CARHSP1: variants seen among roughly 807,000 people sequenced by gnomAD.
CARHSP1 encodes the protein calcium-regulated heat-stable protein 1.
CARHSP1 carries 14 observed loss-of-function variants against 12.5 expected under a neutral mutation model. The ratio of observed to expected loss-of-function variants is 1.12; its 90% confidence interval spans 0.74 to 1.75. The LOEUF is 1.75. Among genes scored for constraint, CARHSP1 ranks in the 40% most tolerant of loss-of-function variants. The probability of loss-of-function intolerance (pLI) is 0.00; values close to 1 mark genes in which losing one functional copy is unlikely to be tolerated. For missense variants in CARHSP1, 343 were observed against 201.6 expected, an observed-to-expected ratio of 1.70 and a Z score of -4.25; for synonymous variants, 161 against 82.0, an observed-to-expected ratio of 1.96 and a Z score of -5.20.
intron 2 of CARHSP1, chr16:8,858,916 G>T: frequency 2.2e-6 from 1 of 451,786 alleles, no homozygotes; most frequent in Non-Finnish European, 3.9e-6. Context: ...TGTGGTTAAA[G>T]CCCAGCGATT....
intron 1 of CARHSP1, among the ~76,000 whole-genome samples, chr16:8,862,267 T>C (rs1384785980): frequency 6.6e-6 from 1 of 151,970 alleles, no homozygotes; most frequent in African/African-American, 2.4e-5. Context: ...ATCTGGAAAA[T>C]GGGAATTATA....
At position 8,855,022 on chromosome 16, in the gene CARHSP1, C is replaced by G. The variant is rs540867865; in HGVS notation, c.*142G>C. On this transcript the variant is annotated 3_prime_UTR_variant, in exon 4 of 4. Coordinates refer to ENST00000311052, the MANE Select transcript of CARHSP1 (RefSeq NM_014316.4). ...CACACCCCACACCTGCCCCCCATAC[C>G]CCTTCCTCCAGGAGATACTTGAGAG... is the stretch of plus-strand genomic sequence containing the variant. 6.4e-6 allele frequency: 4 copies of G among 624,520 alleles called. No homozygotes were observed. The East Asian group carries it at 1.1e-4, about 17-fold the overall frequency. The allele number at this position is 624,520 out of a possible 1,614,324, so 38.7% of individuals were successfully genotyped here. A position where few individuals can be genotyped will look rare whatever the true frequency, so the allele number is the denominator to read the frequency against.
At chr16:8,858,637 A>G (rs1471742735) in intron 2 of CARHSP1, 165 bp from the exon 3 acceptor site, 4 of 807,928 alleles carry the variant, frequency 5.0e-6, no homozygotes, top group Non-Finnish European at 7.4e-6. Context: ...GGAGCCGCTC[A>G]CAAAGACGCT....
At chr16:8,859,367 G>A (rs568755142) in intron 1 of CARHSP1, 32 bp from the exon 2 acceptor site, 3 of 1,578,866 alleles carry the variant, frequency 1.9e-6, no homozygotes, top group Non-Finnish European at 2.6e-6. Flanking sequence ...AGGGGCTCGT[G>A]CCTTGCAAGG....
Position 8,854,528 on chromosome 16 carries a change from C to G in CARHSP1, c.*636G>C, listed in dbSNP as rs1193095598. ...GGAGTGCTGGGAGAACTGTCTTCCC[C>G]AGACAGGCAGCTATGCCGCCTCCCA... On this transcript the variant is annotated 3_prime_UTR_variant, in exon 4 of 4. Transcript: ENST00000311052. The G allele has an allele frequency of 6.5e-6, 1 of 152,728 alleles. No homozygotes were observed. The highest frequency in any genetic ancestry group is 6.5e-5 in the Admixed American group (1 of 15,282). 9.5% of individuals were successfully genotyped at this position (152,728 alleles called of 1,614,324 possible). A position where few individuals can be genotyped will look rare whatever the true frequency, so the allele number is the denominator to read the frequency against.
intron 1 of CARHSP1, among the ~76,000 whole-genome samples, chr16:8,864,036 G>A (rs868046916): frequency 5.3e-5 from 8 of 152,288 alleles, no homozygotes; most frequent in Admixed American, 3.3e-4. Context: ...AAACAGATCC[G>A]CCACTCAGAT....
intron 1 of CARHSP1, among the ~76,000 whole-genome samples, chr16:8,862,594 A>G (rs987357658): frequency 6.6e-6 from 1 of 152,178 alleles, no homozygotes; most frequent in African/African-American, 2.4e-5. Context: ...ACACACGCTA[A>G]TCAGGGTGCC....
chr16:8,863,574 C>T (rs377292625), intron 1 of CARHSP1, among the ~76,000 whole-genome samples: 6 of 152,150 alleles, frequency 3.9e-5, no homozygotes, highest in Non-Finnish European at 8.8e-5. Flanking sequence ...TGACTAGGGG[C>T]GGGGGCAGTG....
chr16:8,857,268 T>TGTTTTTTGTTTTTTG (rs1567181119), intron 3 of CARHSP1, among the ~76,000 whole-genome samples: 2 of 20,294 alleles, frequency 9.9e-5, no homozygotes, highest in East Asian at 2.9e-3. Context: ...GATCTGTTTT[T>TGTTTTTTGTTTTTTG]TTTTTTTTTT....
At chr16:8,863,623 G>A (rs914623212) in intron 1 of CARHSP1, among the ~76,000 whole-genome samples, 1 of 152,166 alleles carries the variant, frequency 6.6e-6, no homozygotes, top group Non-Finnish European at 1.5e-5. Context: ...AGCCTCTCAT[G>A]GCCCATCTGG....
At chr16:8,861,184 TTTTTTTTTTTTTTTTA>T (rs1486705064) in intron 1 of CARHSP1, among the ~76,000 whole-genome samples, 5 of 100,024 alleles carry the variant, frequency 5.0e-5, no homozygotes, top group African/African-American at 1.1e-4. Context: ...TTTTTTTTTT[TTTTTTTTTTTTTTTTA>T]TAGAGACAGG....
intron 1 of CARHSP1, among the ~76,000 whole-genome samples, chr16:8,861,158 ATTTTTTTTTTTTTTTTTTTTTTTTTTTT>A (rs765114977): frequency 3.9e-5 from 2 of 51,210 alleles, no homozygotes; most frequent in Non-Finnish European, 6.7e-5. Flanking sequence ...TCCATGCCTA[ATTTTTTTTTTTTTTTTTTTTTTTTTTTT>A]TTTTTTTTTT....
Position 8,859,181 on chromosome 16 carries a change from T to C in CARHSP1, c.148A>G (p.Thr50Ala), listed in dbSNP as rs751744701. 6.3e-7 allele frequency: 1 copy of C among 1,599,202 alleles called. No homozygotes were observed. Among genetic ancestry groups the C allele is most frequent in the Non-Finnish European group, 8.5e-7 (1 of 1,172,394 alleles). The change falls in exon 2 of 4, where the codon ACC becomes GCC. Residue 50 changes from threonine (T) to alanine (A), a missense_variant. By Grantham distance (58) the Thr-to-Ala change is moderately conservative. Coordinates refer to ENST00000311052, the MANE Select transcript of CARHSP1 (RefSeq NM_014316.4). ...PSPLPTRRTR[T>A]FSATVRASQG... ...CTGCTCCAGACTCACGCCGAGAAGGTCCTCGTCCGGCGAGTGGGCAGTGGG... is the reference window on the plus strand; with the variant it reads ...CTGCTCCAGACTCACGCCGAGAAGGCCCTCGTCCGGCGAGTGGGCAGTGGG...
chr16:8,858,307 G>C, intron 3 of CARHSP1, 43 bp downstream of exon 3: 2 of 1,601,666 alleles, frequency 1.2e-6, no homozygotes, highest in Admixed American at 1.7e-5. Flanking sequence ...GGCCAAGGAA[G>C]CGCCCACCCC....
chr16:8,865,252 G>A (rs1422335597), intron 1 of CARHSP1, among the ~76,000 whole-genome samples: 3 of 152,120 alleles, frequency 2.0e-5, no homozygotes, highest in Non-Finnish European at 4.4e-5. Context: ...TGGGACTACA[G>A]GCATGTACCA....
Position 8,853,689 on chromosome 16 carries a change from C to CA in CARHSP1, c.*1474dup, listed in dbSNP as rs2061008295. On this transcript the variant is annotated 3_prime_UTR_variant, in exon 4 of 4. Coordinates refer to ENST00000311052, the MANE Select transcript of CARHSP1 (RefSeq NM_014316.4). ...TTGACTACATATAGGTCATATATTT[C>CA]AAAAAATAATGCCTAGCTATTTCTA... is the stretch of plus-strand genomic sequence containing the variant. 1.3e-5 allele frequency: 2 copies of CA among 152,116 alleles called. No homozygotes were observed. The highest frequency in any genetic ancestry group is 4.8e-5 in the African/African-American group (2 of 41,426). The allele number at this position is 152,116 out of a possible 1,614,324, so 9.4% of individuals were successfully genotyped here. A position where few individuals can be genotyped will look rare whatever the true frequency, so the allele number is the denominator to read the frequency against.
intron 1 of CARHSP1, among the ~76,000 whole-genome samples, chr16:8,859,617 G>T (rs1033164822): frequency 6.6e-6 from 1 of 152,056 alleles, no homozygotes; most frequent in Non-Finnish European, 1.5e-5. Flanking sequence ...CCAGCACAAG[G>T]CATGGATCCC....
chr16:8,855,136 A>T lies in CARHSP1; in HGVS notation c.*28T>A, dbSNP rs1464137356. On this transcript the variant is annotated 3_prime_UTR_variant, in exon 4 of 4. Transcript: ENST00000311052. ...CCTCCCTGCAAAGTCTCCCACAAGC[A>T]CAGGACAAGGGGTGCTTCCACCATC... The T allele has an allele frequency of 2.0e-6, 3 of 1,520,200 alleles. No homozygotes were observed. Among genetic ancestry groups the T allele is most frequent in the Non-Finnish European group, 2.7e-6 (3 of 1,125,786 alleles). The allele number at this position is 1,520,200 out of a possible 1,614,324, so 94.2% of individuals were successfully genotyped here.
intron 3 of CARHSP1, among the ~76,000 whole-genome samples, chr16:8,857,202 T>TAGTCGGGCACCCCCAGATCCATTTCCA (rs2061146102): frequency 6.9e-6 from 1 of 144,992 alleles, no homozygotes; most frequent in Non-Finnish European, 1.5e-5. Flanking sequence ...CCCACAAGCA[T>TAGTCGGGCACCCCCAGATCCATTTCCA]AGTCGGGCAC....
Sources: gnomAD v4.1 joint callset for allele counts (sites outside exome capture counted in the v4.1 genomes callset) on GRCh38, gnomAD v4.1.1 for gene constraint, MANE v1.5 for transcripts, NCBI Gene and HGNC (gene_info 2026-07-23, HGNC 2026-07-21) for gene names.